Variants in KASH5 observed in about 807,000 individuals in gnomAD.
KASH5 encodes the protein KASH domain containing 5.
A neutral mutation model predicts 84.2 loss-of-function variants in KASH5; 72 were observed. The observed-to-expected ratio is 0.85, with a 90% CI of 0.71 to 1.04. The LOEUF (loss-of-function observed/expected upper bound fraction) is 1.04. Among genes scored for constraint, KASH5 ranks in the 50% least tolerant of loss-of-function variants. KASH5 has a pLI of 0.00. For synonymous variants in KASH5, 260 were observed against 279.1 expected (o/e 0.93, Z 0.68); for missense variants, 650 against 701.0 (o/e 0.93, Z 0.82).
rs1974823450 is a variant in KASH5, at chr19:49,414,344, C to G, written c.1329-607C>G. Reference sequence around the variant, plus strand: ...TAAGAGGATTCGGCATGGGGAAGAGCTCCAACAGTTGAGTTCTGTGGGCTG... The same window carrying G: ...TAAGAGGATTCGGCATGGGGAAGAGGTCCAACAGTTGAGTTCTGTGGGCTG... On this transcript the variant is annotated intron_variant, in intron 16 of 19. Coordinates refer to ENST00000447857, the MANE Select transcript of KASH5 (RefSeq NM_144688.5). The surrounding 1 kb of genome is among the most constrained non-coding windows in gnomAD (Gnocchi z 4.5). Among the ~76,000 whole-genome samples the G allele has an allele frequency of 6.6e-6, 1 of 152,082 alleles. No homozygotes were observed. The highest frequency in any genetic ancestry group is 2.4e-5 in the African/African-American group (1 of 41,404).
At chr19:49,394,688 G>A (rs1176302168) in intron 3 of KASH5, 108 bp downstream of exon 3, 6 of 820,926 alleles carry the variant, frequency 7.3e-6, no homozygotes, top group Admixed American at 2.1e-5. Flanking sequence ...CCTCTTGGGG[G>A]TATTGTAAGA....
At chr19:49,398,247 A>G (rs2122131414) in intron 7 of KASH5, 104 bp downstream of exon 7, 2 of 943,986 alleles carry the variant, frequency 2.1e-6, no homozygotes, top group Non-Finnish European at 3.1e-6. Flanking sequence ...CTGCTCTTTG[A>G]CTCTGTACCT....
At chr19:49,396,580 A>G (rs1024598996) in intron 5 of KASH5, among the ~76,000 whole-genome samples, 1 of 152,114 alleles carries the variant, frequency 6.6e-6, no homozygotes, top group South Asian at 2.1e-4. Flanking sequence ...GCAAAGGGGA[A>G]GCCCTGGTAT....
chr19:49,409,625 G>A, intron 14 of KASH5, 128 bp from the exon 15 acceptor site: 1 of 1,206,694 alleles, frequency 8.3e-7, no homozygotes, highest in Non-Finnish European at 1.2e-6. Context: ...CCCAACCCCA[G>A]CCCCACACCA....
At chr19:49,408,348 GT>G (rs1974598732) in intron 12 of KASH5, 1 of 154,764 alleles carries the variant, frequency 6.5e-6, no homozygotes, top group South Asian at 2.0e-4. Flanking sequence ...TAGCCCTCAT[GT>G]TTCTCTTGCC....
At chr19:49,404,483 G>A (rs1974462687) in intron 9 of KASH5, among the ~76,000 whole-genome samples, 1 of 152,074 alleles carries the variant, frequency 6.6e-6, no homozygotes, top group Admixed American at 6.6e-5. Context: ...ACTCAGCAAC[G>A]CCTCCTCAGG....
chr19:49,408,747 C>G (rs1659488292), intron 12 of KASH5, among the ~76,000 whole-genome samples: 1 of 152,228 alleles, frequency 6.6e-6, no homozygotes, highest in African/African-American at 2.4e-5. Flanking sequence ...TGCGCCTGGC[C>G]TCTTGGCCTG....
At chr19:49,391,404 T>A (rs2146839465) in intron 2 of KASH5, among the ~76,000 whole-genome samples, 1 of 152,252 alleles carries the variant, frequency 6.6e-6, no homozygotes, top group South Asian at 2.1e-4. Flanking sequence ...TGTGGAAGTA[T>A]AATATGAGCC....
intron 11 of KASH5, 68 bp from the exon 12 acceptor site, chr19:49,407,544 C>A: frequency 6.6e-7 from 1 of 1,510,670 alleles, no homozygotes; most frequent in Non-Finnish European, 9.0e-7. Context: ...GCCAGTCCCC[C>A]CGCCACCACC....
chr19:49,389,467 A>G lies in KASH5; in HGVS notation c.-96+1140A>G, dbSNP rs539786870. The G allele has an allele frequency of 1.4e-3, 217 of 152,330 alleles. 1 individual carries two copies. Among genetic ancestry groups the G allele is most frequent in the Middle Eastern group, 6.8e-3 (2 of 296 alleles). 9.4% of individuals were successfully genotyped at this position (152,330 alleles called of 1,614,324 possible). ...CAGTCCCGTCAGACCCCCGAGATCA[A>G]CCAACACCCCCGGGGTCCCTCAGGA... On this transcript the variant is annotated intron_variant, in intron 1 of 19. Transcript: ENST00000447857.
intron 1 of KASH5, chr19:49,390,033 A>G (rs1216279083): frequency 1.3e-5 from 2 of 152,612 alleles, no homozygotes; most frequent in African/African-American, 4.8e-5. Flanking sequence ...AGACTACTCA[A>G]TGCCACTCTA....
At position 49,399,595 on chromosome 19, in the gene KASH5, C is replaced by A; in HGVS notation, c.798+88C>A. On this transcript the variant is annotated intron_variant, in intron 9 of 19. Coordinates refer to ENST00000447857, the MANE Select transcript of KASH5 (RefSeq NM_144688.5). The surrounding 1 kb of genome is among the most constrained non-coding windows in gnomAD (Gnocchi z 4.4). The stretch of plus-strand genomic sequence containing the variant: ...CTCCCTTCTGCCCCCAACACCCCAG[C>A]AGCCTGTCTTGGGGAGACCTCAGAA... The A allele has an allele frequency of 6.4e-7, 1 of 1,551,842 alleles. No individual in the cohort carries two copies. Among genetic ancestry groups the A allele is most frequent in the Non-Finnish European group, 8.7e-7 (1 of 1,147,052 alleles).
rs975513287 is a variant in KASH5 at position 49,412,421 on chromosome 19, G to A, written c.1270-547G>A. On this transcript the variant is annotated intron_variant, in intron 15 of 19. Transcript: ENST00000447857. This position sits in a 1 kb window ranked among gnomAD's most constrained non-coding sequence, Gnocchi z 4.6. ...AGGTGAAATCTTGAGGGATGTCTGGGGGCTGCCTGGAAGAGTTGGGTGCAC... is the reference window on the plus strand; with the variant it reads ...AGGTGAAATCTTGAGGGATGTCTGGAGGCTGCCTGGAAGAGTTGGGTGCAC... Among the ~76,000 whole-genome samples, 3 of 152,158 alleles carry A rather than the reference G, an allele frequency of 2.0e-5. No individual in the cohort carries two copies. The highest frequency in any genetic ancestry group is 4.4e-5 in the Non-Finnish European group (3 of 68,026).
At chr19:49,391,473 A>G (rs1384997195) in intron 2 of KASH5, among the ~76,000 whole-genome samples, 1 of 152,210 alleles carries the variant, frequency 6.6e-6, no homozygotes, top group African/African-American at 2.4e-5. Flanking sequence ...GAATGTTGAT[A>G]ATGGATTTTC....
chr19:49,415,445 GC>G (rs1260375125), intron 17 of KASH5: 2 of 235,780 alleles, frequency 8.5e-6, no homozygotes, highest in Non-Finnish European at 1.7e-5. Flanking sequence ...AGAGCCCAGT[GC>G]CCGGTGGGGG....
intron 2 of KASH5, among the ~76,000 whole-genome samples, chr19:49,392,568 G>A (rs1460962427): frequency 6.6e-6 from 1 of 152,130 alleles, no homozygotes. Flanking sequence ...AGCAGCCCTG[G>A]GTGAACCATC....
intron 15 of KASH5, among the ~76,000 whole-genome samples, chr19:49,411,096 T>C (rs1254221432): frequency 6.6e-6 from 1 of 151,900 alleles, no homozygotes; most frequent in Non-Finnish European, 1.5e-5. Context: ...TGTGCCACCA[T>C]GTGTAGCTAA....
At position 49,413,046 on chromosome 19, in the gene KASH5, G is replaced by C; in HGVS notation, c.1328+20G>C. 1 of 1,609,630 alleles carries C rather than the reference G, an allele frequency of 6.2e-7. No individual in the cohort carries two copies. On this transcript the variant is annotated intron_variant, in intron 16 of 19. Transcript: ENST00000447857. ...CATGTGGTAAGGAGCTGAGCCATCC[G>C]TCTGCCTCAGGGTGACACCTTATTC...
chr19:49,410,757 G>A (rs1043420851), intron 15 of KASH5, among the ~76,000 whole-genome samples: 7 of 151,984 alleles, frequency 4.6e-5, no homozygotes, highest in African/African-American at 1.7e-4. Flanking sequence ...GAAAGTGCTG[G>A]GATTACAGGC....
Sources: gnomAD v4.1 joint callset for allele counts (sites outside exome capture counted in the v4.1 genomes callset) on GRCh38, gnomAD v4.1.1 for gene constraint, Gnocchi (gnomAD v3.1) non-coding constraint, MANE v1.5 for transcripts, NCBI Gene and HGNC (gene_info 2026-07-23, HGNC 2026-07-21) for gene names.